Variants in SORCS2 observed in about 807,000 individuals in gnomAD.
SORCS2 encodes the protein VPS10 domain-containing receptor SorCS2.
SORCS2 carries 100 observed loss-of-function variants against 141.6 expected under a neutral mutation model. The ratio of observed to expected loss-of-function variants is 0.71; its 90% CI spans 0.60 to 0.83. The LOEUF (loss-of-function observed/expected upper bound fraction) is 0.83. SORCS2 is among the 40% of genes least tolerant of loss of function. The pLI, the probability that SORCS2 is intolerant of heterozygous loss-of-function variation, is 0.00. For missense variants in SORCS2, 1,646 were observed against 1,560.2 expected, an observed-to-expected ratio of 1.05 and a Z score of -0.93; for synonymous variants, 789 against 676.9, an observed-to-expected ratio of 1.17 and a Z score of -2.57.
At chr4:7,316,721 G>T (rs1318226927) in intron 1 of SORCS2, among the ~76,000 whole-genome samples, 1 of 152,176 alleles carries the variant, frequency 6.6e-6, no homozygotes, top group African/African-American at 2.4e-5. Flanking sequence ...AGAAATAAAT[G>T]GGGACTGGAA....
At chr4:7,717,511 G>A (rs943823024) in intron 17 of SORCS2, among the ~76,000 whole-genome samples, 13 of 152,170 alleles carry the variant, frequency 8.5e-5, no homozygotes, top group South Asian at 2.1e-4. Flanking sequence ...GTCACGAATC[G>A]CCCAATCCAG....
intron 2 of SORCS2, among the ~76,000 whole-genome samples, chr4:7,486,473 A>C (rs1171925150): frequency 6.6e-6 from 1 of 152,202 alleles, no homozygotes; most frequent in African/African-American, 2.4e-5. Flanking sequence ...AGAAGGTCCC[A>C]TTCAGGGACC....
chr4:7,432,278 T>A, intron 2 of SORCS2: 1 of 152,038 alleles, frequency 6.6e-6, no homozygotes, highest in Middle Eastern at 3.2e-3. Flanking sequence ...GCTTGTGGTT[T>A]ATACAGCGCT....
chr4:7,716,933 G>A (rs573408088), intron 17 of SORCS2, among the ~76,000 whole-genome samples: 1 of 152,236 alleles, frequency 6.6e-6, no homozygotes, highest in Admixed American at 6.5e-5. Flanking sequence ...AAATGGGCCT[G>A]TGCATGATCA....
intron 2 of SORCS2, among the ~76,000 whole-genome samples, chr4:7,414,130 C>G (rs779546010): frequency 3.9e-5 from 6 of 152,200 alleles, no homozygotes; most frequent in Non-Finnish European, 8.8e-5. Context: ...TTCTGTAAAT[C>G]CCATTAACGG....
At chr4:7,546,450 A>G (rs1396312637) in intron 3 of SORCS2, among the ~76,000 whole-genome samples, 1 of 152,002 alleles carries the variant, frequency 6.6e-6, no homozygotes, top group Non-Finnish European at 1.5e-5. Context: ...TTGCCTCAAT[A>G]TTGCATGTCG....
At chr4:7,683,023 G>T (rs1723627236) in intron 10 of SORCS2, 134 bp downstream of exon 10, 1 of 1,168,626 alleles carries the variant, frequency 8.6e-7, no homozygotes, top group South Asian at 1.7e-5. Flanking sequence ...TTTCTGCTGG[G>T]TGTGGTAGAG....
intron 2 of SORCS2, among the ~76,000 whole-genome samples, chr4:7,500,548 G>A (rs1293292150): frequency 2.6e-5 from 4 of 152,008 alleles, no homozygotes; most frequent in Non-Finnish European, 5.9e-5. Context: ...AACCACAGAG[G>A]ATGTCAGTGT....
At chr4:7,390,191 A>G (rs528760304) in intron 1 of SORCS2, among the ~76,000 whole-genome samples, 50 of 152,326 alleles carry the variant, frequency 3.3e-4, no homozygotes, top group African/African-American at 1.1e-3. Context: ...GGAGTTGGCA[A>G]TCAACACTAA....
At chr4:7,232,714 G>A (rs1029973563) in intron 1 of SORCS2, among the ~76,000 whole-genome samples, 1 of 152,176 alleles carries the variant, frequency 6.6e-6, no homozygotes, top group Non-Finnish European at 1.5e-5. Context: ...TGCCCCTCCC[G>A]CACCCTGCTG....
intron 2 of SORCS2, among the ~76,000 whole-genome samples, chr4:7,466,291 C>T (rs1010029061): frequency 2.0e-5 from 3 of 152,156 alleles, no homozygotes; most frequent in Admixed American, 6.5e-5. Flanking sequence ...CTGCCCTCCT[C>T]CAGATCTAGG....
chr4:7,569,383 A>T (rs1299737333), intron 3 of SORCS2, among the ~76,000 whole-genome samples: 1 of 152,148 alleles, frequency 6.6e-6, no homozygotes, highest in Non-Finnish European at 1.5e-5. Context: ...ATGGTGGGGC[A>T]CACCTGTAAT....
intron 3 of SORCS2, among the ~76,000 whole-genome samples, chr4:7,593,756 C>T (rs1366980734): frequency 6.6e-6 from 1 of 152,204 alleles, no homozygotes; most frequent in African/African-American, 2.4e-5. Context: ...AGGACCACTG[C>T]AGCTGAGCGG....
At chr4:7,661,590 G>A (rs111997997) in intron 6 of SORCS2, 26 bp downstream of exon 6, 34 of 1,550,130 alleles carry the variant, frequency 2.2e-5, no homozygotes, top group African/African-American at 9.6e-5. Context: ...CACAGGCACC[G>A]GGTATCCCTG....
intron 3 of SORCS2, among the ~76,000 whole-genome samples, chr4:7,606,615 T>C (rs1718081713): frequency 6.6e-6 from 1 of 152,108 alleles, no homozygotes; most frequent in Admixed American, 6.5e-5. Flanking sequence ...GAGGGCCGCC[T>C]CTGTGGGTAC....
At chr4:7,200,681 A>G (rs1727438542) in intron 1 of SORCS2, among the ~76,000 whole-genome samples, 1 of 152,158 alleles carries the variant, frequency 6.6e-6, no homozygotes, top group Admixed American at 6.5e-5. Flanking sequence ...ATGAGAGTTG[A>G]GCTTCAGGCA....
chr4:7,206,200 G>A (rs1038685828), intron 1 of SORCS2, among the ~76,000 whole-genome samples: 3 of 152,146 alleles, frequency 2.0e-5, no homozygotes, highest in African/African-American at 2.4e-5. Context: ...CAGTGTCCGC[G>A]TCTTCCCCAG....
At chr4:7,570,345 C>T (rs535310609) in intron 3 of SORCS2, among the ~76,000 whole-genome samples, 31 of 152,240 alleles carry the variant, frequency 2.0e-4, no homozygotes, top group Non-Finnish European at 3.5e-4. Flanking sequence ...ACGGTGCCTC[C>T]TCGCTAGGGC....
intron 3 of SORCS2, among the ~76,000 whole-genome samples, chr4:7,588,107 G>C (rs1490570486): frequency 1.3e-5 from 2 of 152,228 alleles, no homozygotes; most frequent in African/African-American, 2.4e-5. Flanking sequence ...TCATTAAAGT[G>C]AGAAACGCCG....
Sources: gnomAD v4.1 joint callset for allele counts (sites outside exome capture counted in the v4.1 genomes callset) on GRCh38, gnomAD v4.1.1 for gene constraint, MANE v1.5 for transcripts, NCBI Gene and HGNC (gene_info 2026-07-23, HGNC 2026-07-21) for gene names.